BFSP2: variants seen among roughly 807,000 people sequenced by gnomAD.
BFSP2 encodes phakinin.
BFSP2 carries 38 observed loss-of-function variants against 44.9 expected under a neutral mutation model. The ratio of observed to expected loss-of-function variants is 0.85; its 90% confidence interval spans 0.65 to 1.11. The LOEUF (loss-of-function observed/expected upper bound fraction) is 1.11. BFSP2 is among the 50% of genes least tolerant of loss of function. The pLI, the probability that BFSP2 is intolerant of heterozygous loss-of-function variation, is 0.00. For missense variants in BFSP2, 525 were observed against 533.0 expected (o/e 0.99, Z 0.15); for synonymous variants, 197 against 209.9 (o/e 0.94, Z 0.53).
At chr3:133,431,303 A>C (rs913477530) in intron 1 of BFSP2, among the ~76,000 whole-genome samples, 1 of 152,182 alleles carries the variant, frequency 6.6e-6, no homozygotes, top group Admixed American at 6.5e-5. Flanking sequence ...CTCCACTCTG[A>C]GACAAATCCC....
chr3:133,416,970 CTA>C (rs1488480915), intron 1 of BFSP2, among the ~76,000 whole-genome samples: 1 of 132,850 alleles, frequency 7.5e-6, no homozygotes, highest in African/African-American at 2.9e-5. Flanking sequence ...TACTCACCCT[CTA>C]TGCACCCTGC....
intron 1 of BFSP2, among the ~76,000 whole-genome samples, chr3:133,417,121 C>T (rs2073543193): frequency 6.9e-6 from 1 of 145,362 alleles, no homozygotes; most frequent in Non-Finnish European, 1.5e-5. Context: ...CTGCCTTCTC[C>T]CCTCTACTTA....
chr3:133,418,357 G>T (rs980008305), intron 1 of BFSP2, among the ~76,000 whole-genome samples: 22 of 152,150 alleles, frequency 1.4e-4, no homozygotes, highest in Admixed American at 2.0e-4. Flanking sequence ...GGGAAACACG[G>T]GCCTTGTTTT....
At chr3:133,417,251 C>T (rs575204453) in intron 1 of BFSP2, among the ~76,000 whole-genome samples, 27 of 145,768 alleles carry the variant, frequency 1.9e-4, no homozygotes, top group African/African-American at 6.7e-4. Flanking sequence ...TCTACTTACC[C>T]GTGTCCTCTC....
chr3:133,420,757 A>C (rs2073585762), intron 1 of BFSP2, among the ~76,000 whole-genome samples: 1 of 152,076 alleles, frequency 6.6e-6, no homozygotes, highest in African/African-American at 2.4e-5. Context: ...GCTGAGAGGT[A>C]ATTGTTTGGG....
At chr3:133,452,069 T>C (rs1370761770) in intron 4 of BFSP2, among the ~76,000 whole-genome samples, 1 of 152,188 alleles carries the variant, frequency 6.6e-6, no homozygotes, top group Non-Finnish European at 1.5e-5. Flanking sequence ...AAAATCGCCA[T>C]CCCAGACCAA....
At chr3:133,455,053 T>TG (rs1396397147) in intron 4 of BFSP2, among the ~76,000 whole-genome samples, 1 of 152,272 alleles carries the variant, frequency 6.6e-6, no homozygotes, top group Admixed American at 6.5e-5. Context: ...TTTCAGCTCC[T>TG]GTAACAACAA....
At chr3:133,472,200 C>T (rs2074168522) in intron 5 of BFSP2, 145 bp from the exon 6 acceptor site, 1 of 857,122 alleles carries the variant, frequency 1.2e-6, no homozygotes, top group Non-Finnish European at 1.9e-6. Context: ...AGAATAACCC[C>T]CATCAGTCTC....
chr3:133,421,996 A>G (rs947779621), intron 1 of BFSP2, among the ~76,000 whole-genome samples: 6 of 150,602 alleles, frequency 4.0e-5, no homozygotes, highest in Non-Finnish European at 8.8e-5. Flanking sequence ...AGTCCCAGCT[A>G]CTCGGGAGGC....
chr3:133,424,937 T>G (rs1576569073), intron 1 of BFSP2, among the ~76,000 whole-genome samples: 1 of 152,216 alleles, frequency 6.6e-6, no homozygotes, highest in Admixed American at 6.5e-5. Context: ...CCTGGCCTGG[T>G]TCTGATCCCT....
chr3:133,425,494 GGAGGGTCCCAT>G (rs2073635398), intron 1 of BFSP2, among the ~76,000 whole-genome samples: 1 of 152,272 alleles, frequency 6.6e-6, no homozygotes, highest in South Asian at 2.1e-4. Flanking sequence ...GCGAAAACAT[GGAGGGTCCCAT>G]GATTTTTCTG....
intron 1 of BFSP2, among the ~76,000 whole-genome samples, chr3:133,443,017 C>T (rs1218319449): frequency 1.3e-5 from 2 of 151,782 alleles, no homozygotes; most frequent in African/African-American, 4.8e-5. Flanking sequence ...GCAACCACGC[C>T]CAGCTAATTT....
intron 1 of BFSP2, chr3:133,409,897 A>G (rs531295810): frequency 1.3e-5 from 2 of 154,548 alleles, no homozygotes; most frequent in African/African-American, 4.8e-5. Context: ...TCCAACTGCC[A>G]TAAGGATGGA....
chr3:133,404,845 C>T (rs543379912), intron 1 of BFSP2: 10 of 152,350 alleles, frequency 6.6e-5, no homozygotes, highest in African/African-American at 2.2e-4. Context: ...TCTCCTCCCA[C>T]TCCTCAGCTG....
At chr3:133,456,366 CATCTA>C (rs2074012855) in intron 4 of BFSP2, among the ~76,000 whole-genome samples, 1 of 152,182 alleles carries the variant, frequency 6.6e-6, no homozygotes, top group Admixed American at 6.5e-5. Context: ...CATTCAAGAT[CATCTA>C]AAGCCGGGCC....
chr3:133,446,228 C>A (rs1170582899), intron 1 of BFSP2, among the ~76,000 whole-genome samples: 1 of 152,006 alleles, frequency 6.6e-6, no homozygotes, highest in Non-Finnish European at 1.5e-5. Context: ...CGAGACCAGC[C>A]TGGCCAACAT....
At chr3:133,467,971 A>G (rs2074127913) in intron 5 of BFSP2, among the ~76,000 whole-genome samples, 1 of 152,162 alleles carries the variant, frequency 6.6e-6, no homozygotes, top group Non-Finnish European at 1.5e-5. Flanking sequence ...AAAGAGGCAA[A>G]TCCCTGAACC....
At chr3:133,413,872 T>C (rs1315697619) in intron 1 of BFSP2, among the ~76,000 whole-genome samples, 1 of 151,936 alleles carries the variant, frequency 6.6e-6, no homozygotes, top group Non-Finnish European at 1.5e-5. Context: ...GCTAACTAAA[T>C]AACACTACAG....
chr3:133,465,436 C>T (rs1385425350), intron 4 of BFSP2, among the ~76,000 whole-genome samples: 1 of 152,152 alleles, frequency 6.6e-6, no homozygotes, highest in Non-Finnish European at 1.5e-5. Context: ...TTTTTTCCCT[C>T]CTCCATTCTT....
Sources: gnomAD v4.1 joint callset for allele counts (sites outside exome capture counted in the v4.1 genomes callset) on GRCh38, gnomAD v4.1.1 for gene constraint, MANE v1.5 for transcripts, NCBI Gene and HGNC (gene_info 2026-07-23, HGNC 2026-07-21) for gene names.